ARL15: variants seen among roughly 807,000 people sequenced by gnomAD.
ARL15 encodes the protein ARF like GTPase 15.
ARL15 carries 19 observed loss-of-function variants against 25.2 expected under a neutral mutation model. The ratio of observed to expected loss-of-function variants is 0.75; its 90% CI spans 0.53 to 1.10. The LOEUF is 1.10. Among genes scored for constraint, ARL15 ranks in the 50% least tolerant of loss-of-function variants. The pLI is 0.00. For missense variants in ARL15, 220 were observed against 246.0 expected, an observed-to-expected ratio of 0.89 and a Z score of 0.71; for synonymous variants, 94 against 86.8, an observed-to-expected ratio of 1.08 and a Z score of -0.46.
chr5:54,029,322 ACCACCACCACTACCACCACCACCAC>A (rs1749891406), intron 4 of ARL15, among the ~76,000 whole-genome samples: 6 of 118,278 alleles, frequency 5.1e-5, no homozygotes, highest in South Asian at 2.8e-4. Context: ...CACCACCACC[ACCACCACCACTACCACCACCACCAC>A]CACCACCACC....
chr5:54,088,451 A>T (rs1752041006), intron 4 of ARL15, among the ~76,000 whole-genome samples: 1 of 152,336 alleles, frequency 6.6e-6, no homozygotes, highest in South Asian at 2.1e-4. Context: ...TGTAAAAAAA[A>T]ATCATCTATT....
chr5:53,928,023 G>T (rs1359189302), intron 4 of ARL15, among the ~76,000 whole-genome samples: 1 of 152,182 alleles, frequency 6.6e-6, no homozygotes, highest in Non-Finnish European at 1.5e-5. Context: ...TTAGCTCAGT[G>T]CCTGGCAGGT....
At chr5:54,186,257 A>C (rs1755235212) in intron 1 of ARL15, among the ~76,000 whole-genome samples, 1 of 152,232 alleles carries the variant, frequency 6.6e-6, no homozygotes, top group South Asian at 2.1e-4. Flanking sequence ...GGAGAAGCCA[A>C]TACGGTGAGC....
chr5:54,005,645 C>T (rs1234359103), intron 4 of ARL15, among the ~76,000 whole-genome samples: 11 of 151,828 alleles, frequency 7.2e-5, no homozygotes, highest in African/African-American at 2.7e-4. Context: ...GGGCGGATCA[C>T]GAGGTCAGGA....
chr5:54,122,915 C>T (rs1285786200), intron 3 of ARL15, among the ~76,000 whole-genome samples: 2 of 152,096 alleles, frequency 1.3e-5, no homozygotes, highest in African/African-American at 4.8e-5. Flanking sequence ...CTCATTTGTG[C>T]TGTTCATCAC....
intron 1 of ARL15, among the ~76,000 whole-genome samples, chr5:54,293,048 C>T (rs1758374910): frequency 6.6e-6 from 1 of 152,222 alleles, no homozygotes; most frequent in African/African-American, 2.4e-5. Context: ...ACACCACCCA[C>T]ACATAACTCA....
chr5:54,251,918 T>A (rs1579952818), intron 1 of ARL15, among the ~76,000 whole-genome samples: 1 of 152,244 alleles, frequency 6.6e-6, no homozygotes, highest in East Asian at 1.9e-4. Context: ...ATTGGCCTTT[T>A]GCTGCCCATG....
chr5:53,998,403 T>C (rs1268789612), intron 4 of ARL15, among the ~76,000 whole-genome samples: 6 of 152,166 alleles, frequency 3.9e-5, no homozygotes, highest in Non-Finnish European at 5.9e-5. Flanking sequence ...AATCCTCCTT[T>C]CAATGTGTCA....
At chr5:54,099,999 AC>A (rs143858663) in intron 4 of ARL15, among the ~76,000 whole-genome samples, 1 of 151,612 alleles carries the variant, frequency 6.6e-6, no homozygotes, top group Admixed American at 6.6e-5. Context: ...ATATCCTGTG[AC>A]CCCCCCGTAA....
rs922474412 is a variant in ARL15, at chr5:54,138,311, C to T, written c.253+16269G>A. 2.6e-5 allele frequency among the ~76,000 whole-genome samples: 4 copies of T among 151,494 alleles called. No individual in the cohort carries two copies. In the East Asian group the frequency reaches 7.8e-4, roughly 29 times the overall value. ...TAGGCAACATAGTGAGACCCCATCT[C>T]TAAAAAAATAAAAATAAAAATTACC... is the stretch of plus-strand genomic sequence containing the variant. On this transcript the variant is annotated intron_variant, in intron 3 of 4. Transcript: ENST00000504924.
intron 1 of ARL15, chr5:54,307,866 A>G (rs1337025500): frequency 6.6e-6 from 1 of 152,218 alleles, no homozygotes; most frequent in Non-Finnish European, 1.5e-5. Flanking sequence ...CATTCTTGTC[A>G]GTGCATGGAA....
intron 1 of ARL15, among the ~76,000 whole-genome samples, chr5:54,217,668 T>C (rs926337917): frequency 6.6e-5 from 10 of 152,148 alleles, no homozygotes; most frequent in African/African-American, 1.2e-4. Flanking sequence ...AACATGTTCA[T>C]AGAAATGTAC....
chr5:53,996,618 T>TA (rs529752025), intron 4 of ARL15, among the ~76,000 whole-genome samples: 7,856 of 98,606 alleles, frequency 0.08, 732 homozygotes, highest in African/African-American at 0.24. Flanking sequence ...GACTGTCTCA[T>TA]AAAAAAAAAA....
At chr5:54,070,156 C>T (rs1442152811) in intron 4 of ARL15, among the ~76,000 whole-genome samples, 1 of 150,250 alleles carries the variant, frequency 6.7e-6, no homozygotes, top group African/African-American at 2.4e-5. Flanking sequence ...TTTGGGAGGC[C>T]GAGGCGGGTG....
At chr5:54,291,238 T>G (rs1306075985) in intron 1 of ARL15, among the ~76,000 whole-genome samples, 2 of 152,158 alleles carry the variant, frequency 1.3e-5, no homozygotes, top group South Asian at 2.1e-4. Context: ...CAATAAGTGG[T>G]CCTCAGATGA....
chr5:54,162,054 C>A (rs1271372562), intron 2 of ARL15, among the ~76,000 whole-genome samples: 2 of 150,634 alleles, frequency 1.3e-5, no homozygotes, highest in Non-Finnish European at 3.0e-5. Flanking sequence ...CTATGAACAA[C>A]CAAAAGAATT....
At chr5:53,938,724 G>A (rs1270661995) in intron 4 of ARL15, among the ~76,000 whole-genome samples, 1 of 152,196 alleles carries the variant, frequency 6.6e-6, no homozygotes, top group Non-Finnish European at 1.5e-5. Flanking sequence ...TTACTTGCAA[G>A]TTCCAGTTAC....
intron 4 of ARL15, among the ~76,000 whole-genome samples, chr5:53,998,466 T>TA (rs1363626334): frequency 4.6e-5 from 7 of 152,110 alleles, no homozygotes; most frequent in African/African-American, 1.7e-4. Context: ...TAGCATACCT[T>TA]TAAGTGGCTA....
chr5:54,177,898 G>A (rs1754931683), intron 1 of ARL15, among the ~76,000 whole-genome samples: 1 of 152,178 alleles, frequency 6.6e-6, no homozygotes, highest in African/African-American at 2.4e-5. Flanking sequence ...AATTCCCTCA[G>A]AGAGAAATAA....
Sources: gnomAD v4.1 joint callset for allele counts (sites outside exome capture counted in the v4.1 genomes callset) on GRCh38, gnomAD v4.1.1 for gene constraint, MANE v1.5 for transcripts, NCBI Gene and HGNC (gene_info 2026-07-23, HGNC 2026-07-21) for gene names.